ERBB4: variants seen among roughly 807,000 people sequenced by gnomAD.
The protein encoded by ERBB4 is erb-b2 receptor tyrosine kinase 4.
In ERBB4, 42 loss-of-function variants were observed where a neutral mutation model predicts 158.0. That is an observed-to-expected ratio of 0.27 (90% CI 0.21 to 0.34). The LOEUF (loss-of-function observed/expected upper bound fraction) is 0.34, where lower values mean the gene tolerates loss of function less well. ERBB4 is among the 10% of genes least tolerant of loss of function. The pLI is 1.00. For synonymous variants in ERBB4, 583 were observed against 558.7 expected, an observed-to-expected ratio of 1.04 and a Z score of -0.61; for missense variants, 1,333 against 1,624.1, an observed-to-expected ratio of 0.82 and a Z score of 3.08.
chr2:211,692,197 T>C (rs1407739905), intron 12 of ERBB4, among the ~76,000 whole-genome samples: 2 of 152,178 alleles, frequency 1.3e-5, no homozygotes, highest in East Asian at 1.9e-4. Context: ...TCATCTTTCA[T>C]GAAGAATGAG....
intron 20 of ERBB4, among the ~76,000 whole-genome samples, chr2:211,502,647 A>G (rs192311789): frequency 3.5e-4 from 53 of 152,300 alleles, no homozygotes; most frequent in African/African-American, 1.3e-3. Context: ...CTTTATATCT[A>G]GAAACCATAA....
chr2:212,329,365 A>G (rs2088016546), intron 1 of ERBB4, among the ~76,000 whole-genome samples: 1 of 152,114 alleles, frequency 6.6e-6, no homozygotes, highest in Non-Finnish European at 1.5e-5. Flanking sequence ...TTTTACACAC[A>G]GTCATTAGCA....
intron 1 of ERBB4, among the ~76,000 whole-genome samples, chr2:212,283,660 A>G (rs1230812084): frequency 2.6e-5 from 4 of 151,984 alleles, no homozygotes; most frequent in Non-Finnish European, 5.9e-5. Context: ...AAAATGTATC[A>G]AGTAGTCAGC....
At chr2:212,064,688 GA>G (rs2077885372) in intron 2 of ERBB4, among the ~76,000 whole-genome samples, 1 of 151,952 alleles carries the variant, frequency 6.6e-6, no homozygotes, top group Non-Finnish European at 1.5e-5. Context: ...GCAAACTAGA[GA>G]ACAAAAGAAC....
intron 1 of ERBB4, among the ~76,000 whole-genome samples, chr2:212,431,460 T>C (rs1217665433): frequency 6.6e-6 from 1 of 152,090 alleles, no homozygotes; most frequent in Non-Finnish European, 1.5e-5. Flanking sequence ...CCACTGCTTC[T>C]ACTCTGGATA....
At chr2:212,461,221 G>T (rs1470382342) in intron 1 of ERBB4, among the ~76,000 whole-genome samples, 1 of 152,176 alleles carries the variant, frequency 6.6e-6, no homozygotes, top group Admixed American at 6.5e-5. Context: ...GGTAGACCCA[G>T]TGACGGCTTG....
intron 1 of ERBB4, among the ~76,000 whole-genome samples, chr2:212,312,937 T>C (rs1306844484): frequency 6.6e-6 from 1 of 150,886 alleles, no homozygotes; most frequent in Admixed American, 6.6e-5. Flanking sequence ...AAATCAGTAG[T>C]AAGCCCTTAT....
At chr2:211,450,015 T>C (rs1490556016) in intron 20 of ERBB4, among the ~76,000 whole-genome samples, 1 of 152,218 alleles carries the variant, frequency 6.6e-6, no homozygotes, top group African/African-American at 2.4e-5. Context: ...ACTATTATTA[T>C]TTCCATTTTA....
At chr2:211,448,367 T>C (rs1003983692) in intron 20 of ERBB4, among the ~76,000 whole-genome samples, 1 of 152,068 alleles carries the variant, frequency 6.6e-6, no homozygotes, top group African/African-American at 2.4e-5. Flanking sequence ...CCAAACAGTA[T>C]TGGAGAATAA....
At chr2:212,381,775 AC>A (rs1435253235) in intron 1 of ERBB4, among the ~76,000 whole-genome samples, 1 of 151,428 alleles carries the variant, frequency 6.6e-6, no homozygotes, top group Non-Finnish European at 1.5e-5. Flanking sequence ...ATATACCCTC[AC>A]AGATAACCAA....
intron 19 of ERBB4, among the ~76,000 whole-genome samples, chr2:211,583,873 T>A (rs962640532): frequency 2.0e-5 from 3 of 151,582 alleles, no homozygotes; most frequent in African/African-American, 7.2e-5. Context: ...AAATAAGAAA[T>A]AAATTATTCT....
chr2:212,258,513 T>A (rs1379387500), intron 1 of ERBB4, among the ~76,000 whole-genome samples: 1 of 151,002 alleles, frequency 6.6e-6, no homozygotes, highest in Non-Finnish European at 1.5e-5. Context: ...AAATAATATG[T>A]TTTAAAAAAT....
chr2:211,634,595 A>G (rs2070286359), intron 16 of ERBB4, among the ~76,000 whole-genome samples: 1 of 152,166 alleles, frequency 6.6e-6, no homozygotes, highest in South Asian at 2.1e-4. Context: ...TTACTTCTTT[A>G]AATGGCTGTG....
At chr2:212,069,958 AAAG>A (rs2078062012) in intron 2 of ERBB4, among the ~76,000 whole-genome samples, 1 of 113,056 alleles carries the variant, frequency 8.8e-6, no homozygotes, top group East Asian at 6.0e-4. Flanking sequence ...GTCTTAAAAA[AAAG>A]AAAAAAGAAA....
chr2:211,780,090 A>T (rs75526310), intron 4 of ERBB4, among the ~76,000 whole-genome samples: 4,193 of 152,274 alleles, frequency 0.028, 187 homozygotes, highest in African/African-American at 0.097. Context: ...GGCTGGGCGC[A>T]GTGGCTCATG....
chr2:211,925,633 G>A (rs776083327), intron 3 of ERBB4, among the ~76,000 whole-genome samples: 33 of 151,836 alleles, frequency 2.2e-4, no homozygotes, highest in Middle Eastern at 3.4e-3. Flanking sequence ...CGCCCACCTC[G>A]GCCTCCGAAA....
chr2:212,228,800 A>G (rs2083565130), intron 1 of ERBB4, among the ~76,000 whole-genome samples: 1 of 152,226 alleles, frequency 6.6e-6, no homozygotes, highest in African/African-American at 2.4e-5. Flanking sequence ...GATATATGCA[A>G]TGGCAAACTG....
chr2:212,413,781 C>T (rs1400793490), intron 1 of ERBB4, among the ~76,000 whole-genome samples: 1 of 152,086 alleles, frequency 6.6e-6, no homozygotes, highest in Non-Finnish European at 1.5e-5. Context: ...GACATGTACA[C>T]ACACATGTGC....
rs933183569 is a variant in ERBB4, at chr2:212,353,569, T to C, written c.82+184880A>G. 1.2e-4 allele frequency among the ~76,000 whole-genome samples: 18 copies of C among 152,104 alleles called. No homozygotes were observed. In the East Asian group the frequency reaches 3.3e-3, roughly 28 times the overall value. Reference sequence around the variant, plus strand: ...TTCTGAAAATTTGTACTCTAAATTTTCTTTCTAAAAATTTGTACTTTAAAA... The same window carrying C: ...TTCTGAAAATTTGTACTCTAAATTTCCTTTCTAAAAATTTGTACTTTAAAA... On this transcript the variant is annotated intron_variant, in intron 1 of 27. Transcript: ENST00000342788.
Sources: gnomAD v4.1 joint callset for allele counts (sites outside exome capture counted in the v4.1 genomes callset) on GRCh38, gnomAD v4.1.1 for gene constraint, MANE v1.5 for transcripts, NCBI Gene and HGNC (gene_info 2026-07-23, HGNC 2026-07-21) for gene names.